SRD5A3: variants seen among roughly 807,000 people sequenced by gnomAD.
SRD5A3 encodes polyprenal reductase.
SRD5A3 carries 24 observed loss-of-function variants against 34.3 expected under a neutral mutation model. The ratio of observed to expected loss-of-function variants is 0.70; its 90% CI spans 0.51 to 0.99. The LOEUF (loss-of-function observed/expected upper bound fraction) is 0.99. SRD5A3 is among the 50% of genes least tolerant of loss of function. The pLI, the probability that SRD5A3 is intolerant of heterozygous loss-of-function variation, is 0.00. For missense variants in SRD5A3, 350 were observed against 388.2 expected (o/e 0.90, Z 0.83); for synonymous variants, 161 against 167.3 (o/e 0.96, Z 0.29).
At chr4:55,357,536 T>C (rs78292559) in intron 1 of SRD5A3, among the ~76,000 whole-genome samples, 1 of 152,160 alleles carries the variant, frequency 6.6e-6, no homozygotes, top group African/African-American at 2.4e-5. Context: ...CAGGTGGCGA[T>C]TGGCCTTGAT....
intron 1 of SRD5A3, chr4:55,352,408 T>C (rs528592422): frequency 5.2e-6 from 4 of 765,108 alleles, no homozygotes; most frequent in East Asian, 2.5e-5. Context: ...TGCTTCCCCA[T>C]GGTCACACCA....
chr4:55,367,789 G>A, intron 4 of SRD5A3, 67 bp downstream of exon 4: 1 of 1,598,822 alleles, frequency 6.3e-7, no homozygotes, highest in Non-Finnish European at 8.6e-7. Flanking sequence ...CCATGGTCCT[G>A]CATGCTTTTC....
chr4:55,355,004 T>A (rs960036366), intron 1 of SRD5A3, among the ~76,000 whole-genome samples: 2 of 152,172 alleles, frequency 1.3e-5, no homozygotes, highest in African/African-American at 4.8e-5. Flanking sequence ...TTACCCCTGC[T>A]TACAAGGGCT....
At chr4:55,349,132 T>C (rs1406327108) in intron 1 of SRD5A3, among the ~76,000 whole-genome samples, 1 of 152,182 alleles carries the variant, frequency 6.6e-6, no homozygotes, top group Non-Finnish European at 1.5e-5. Context: ...CCTCCTGGGT[T>C]CAAGCAATTC....
intron 1 of SRD5A3, among the ~76,000 whole-genome samples, chr4:55,353,889 A>G (rs2109465940): frequency 6.6e-6 from 1 of 152,328 alleles, no homozygotes; most frequent in Middle Eastern, 3.4e-3. Context: ...GCGAGAGTCC[A>G]CAGCTTCATT....
chr4:55,358,466 G>T (rs1719553114), intron 1 of SRD5A3, among the ~76,000 whole-genome samples: 2 of 146,648 alleles, frequency 1.4e-5, no homozygotes, highest in Admixed American at 7.0e-5. Context: ...AGCCTGGGAG[G>T]TCAATGTTGC....
At position 55,370,178 on chromosome 4, in the gene SRD5A3, G is replaced by C. The variant is rs1329039442; in HGVS notation, c.*87G>C. ...GTCTGGAGCCCAAAGTACAGTTTCAGCAAAGCTGTTTGAAACTCTCCATTC... is the reference window on the plus strand; with the variant it reads ...GTCTGGAGCCCAAAGTACAGTTTCACCAAAGCTGTTTGAAACTCTCCATTC... On this transcript the variant is annotated 3_prime_UTR_variant, in exon 5 of 5. Coordinates refer to ENST00000264228, the MANE Select transcript of SRD5A3 (RefSeq NM_024592.5). 3.2e-6 allele frequency: 5 copies of C among 1,557,056 alleles called. No individual in the cohort carries two copies. In the South Asian group the frequency reaches 3.4e-5, roughly 10 times the overall value.
At chr4:55,355,894 G>A (rs546087527) in intron 1 of SRD5A3, among the ~76,000 whole-genome samples, 1 of 151,616 alleles carries the variant, frequency 6.6e-6, no homozygotes, top group East Asian at 1.9e-4. Context: ...GCTCTACCTG[G>A]CACCCCTTAC....
At chr4:55,354,982 A>T (rs1251727579) in intron 1 of SRD5A3, among the ~76,000 whole-genome samples, 1 of 152,220 alleles carries the variant, frequency 6.6e-6, no homozygotes, top group East Asian at 1.9e-4. Context: ...GTATTATCCT[A>T]TAAGGATCAC....
intron 2 of SRD5A3, among the ~76,000 whole-genome samples, chr4:55,363,217 G>T (rs1348549096): frequency 2.6e-5 from 4 of 152,070 alleles, no homozygotes; most frequent in Non-Finnish European, 5.9e-5. Context: ...TTGGGAGGCT[G>T]AGGCTGGAGG....
chr4:55,370,325 T>A lies in SRD5A3; in HGVS notation c.*234T>A. The A allele has an allele frequency of 1.7e-6, 1 of 584,754 alleles. No individual in the cohort carries two copies. Among genetic ancestry groups the A allele is most frequent in the Non-Finnish European group, 3.0e-6 (1 of 337,556 alleles). 36.2% of individuals were successfully genotyped at this position (584,754 alleles called of 1,614,324 possible). On this transcript the variant is annotated 3_prime_UTR_variant, in exon 5 of 5. Transcript: ENST00000264228. ...CAGATCTGCGATTTCTGGGTCCACT[T>A]TCTGAGATGCTTTCTAAAACCAACC...
At position 55,371,374 on chromosome 4, in the gene SRD5A3, C is replaced by T. The variant is rs543630513; in HGVS notation, c.*1283C>T. 6.6e-5 allele frequency: 10 copies of T among 152,184 alleles called. No individual in the cohort carries two copies. The highest frequency in any genetic ancestry group is 2.4e-4 in the African/African-American group (10 of 41,518). 9.4% of individuals were successfully genotyped at this position (152,184 alleles called of 1,614,324 possible). On this transcript the variant is annotated 3_prime_UTR_variant, in exon 5 of 5. Transcript: ENST00000264228. The stretch of plus-strand genomic sequence containing the variant: ...ATAAATGCATGGTATAAAAGAAAAC[C>T]AAAAACTTAAAAAATAATACTATAG...
At chr4:55,356,938 C>T (rs1719487547) in intron 1 of SRD5A3, among the ~76,000 whole-genome samples, 1 of 152,160 alleles carries the variant, frequency 6.6e-6, no homozygotes. Context: ...ACCTTCTACC[C>T]TCGCCCTTGG....
chr4:55,354,989 T>C (rs1216096589), intron 1 of SRD5A3, among the ~76,000 whole-genome samples: 1 of 152,198 alleles, frequency 6.6e-6, no homozygotes, highest in East Asian at 1.9e-4. Flanking sequence ...CCTATAAGGA[T>C]CACCTTACCC....
intron 1 of SRD5A3, among the ~76,000 whole-genome samples, chr4:55,354,179 C>G (rs550602227): frequency 6.6e-6 from 1 of 152,158 alleles, no homozygotes; most frequent in Non-Finnish European, 1.5e-5. Context: ...TCACTGCAGC[C>G]TCCCATCTCC....
At position 55,356,000 on chromosome 4, in the gene SRD5A3, A is replaced by ATTTTTTTTTTTTT. The variant is rs10648522; in HGVS notation, c.222-3332_222-3320dup. Among the ~76,000 whole-genome samples the ATTTTTTTTTTTTT allele has an allele frequency of 1.7e-3, 123 of 74,296 alleles. 5 individuals carry two copies. The highest frequency in any genetic ancestry group is 1.9e-3 in the Non-Finnish European group (83 of 43,028). The allele number at this position is 74,296 out of a possible 152,430, so 48.7% of individuals were successfully genotyped here. The stretch of plus-strand genomic sequence containing the variant: ...ATGACCAATGCTTTCTTTTGCCTCC[A>ATTTTTTTTTTTTT]TTTTTTTTTTTTTTTTTTTTTTTTT... On this transcript the variant is annotated intron_variant, in intron 1 of 4. Transcript: ENST00000264228.
At chr4:55,356,482 T>TTTTG (rs1349560708) in intron 1 of SRD5A3, among the ~76,000 whole-genome samples, 5 of 151,884 alleles carry the variant, frequency 3.3e-5, no homozygotes, top group African/African-American at 7.3e-5. Context: ...ATTTTTAGGG[T>TTTTG]TTTGTTTGTT....
rs1433900383 is a variant in SRD5A3 at position 55,367,731 on chromosome 4, T to C, written c.697+9T>C. ...CAGGAAAAATAAAGCAGGTGAGACCTCTTTTAGAGCCTCTGCATATGGATT... is the reference window on the plus strand; with the variant it reads ...CAGGAAAAATAAAGCAGGTGAGACCCCTTTTAGAGCCTCTGCATATGGATT... On this transcript the variant is annotated intron_variant, in intron 4 of 4. Transcript: ENST00000264228. 1.9e-6 allele frequency: 3 copies of C among 1,613,966 alleles called. No homozygotes were observed. Among genetic ancestry groups the C allele is most frequent in the Non-Finnish European group, 2.5e-6 (3 of 1,179,998 alleles).
chr4:55,364,593 G>A (rs1719809291), intron 3 of SRD5A3: 5 of 343,452 alleles, frequency 1.5e-5, no homozygotes, highest in Non-Finnish European at 2.8e-5. Flanking sequence ...GCACACGCCT[G>A]TAGTCCCAGC....
Sources: allele counts gnomAD v4.1 joint callset (sites outside exome capture counted in the v4.1 genomes callset), GRCh38; gene constraint gnomAD v4.1.1; transcripts MANE v1.5; gene names NCBI Gene and HGNC (gene_info 2026-07-23, HGNC 2026-07-21).